The following SKAP2 variants were observed in gnomAD, a reference collection of about 807,000 sequenced individuals.
SKAP2 encodes the protein src kinase-associated phosphoprotein 2.
In SKAP2, 28 loss-of-function variants were observed where a neutral mutation model predicts 54.9. The observed-to-expected ratio is 0.51, with a 90% CI of 0.38 to 0.70. The LOEUF (loss-of-function observed/expected upper bound fraction) is 0.70, where lower values mean the gene tolerates loss of function less well. Among genes scored for constraint, SKAP2 ranks in the 30% least tolerant of loss-of-function variants. SKAP2 has a pLI of 0.00. For missense variants in SKAP2, 356 were observed against 424.1 expected (o/e 0.84, Z 1.41); for synonymous variants, 137 against 134.3 (o/e 1.02, Z -0.14).
At chr7:26,833,533 C>T (rs1784641607) in intron 4 of SKAP2, among the ~76,000 whole-genome samples, 1 of 151,888 alleles carries the variant, frequency 6.6e-6, no homozygotes, top group African/African-American at 2.4e-5. Context: ...GAATATTTAC[C>T]AAGCAAATGG....
chr7:26,687,527 G>A (rs1032227209), intron 10 of SKAP2, among the ~76,000 whole-genome samples: 4 of 151,822 alleles, frequency 2.6e-5, no homozygotes, highest in South Asian at 2.1e-4. Flanking sequence ...AGAAAAAATC[G>A]TAAGTAGGGG....
At chr7:26,762,412 A>G (rs963813390) in intron 4 of SKAP2, among the ~76,000 whole-genome samples, 3 of 152,212 alleles carry the variant, frequency 2.0e-5, no homozygotes, top group African/African-American at 7.2e-5. Flanking sequence ...TAGACATACA[A>G]TTAATGTTCT....
chr7:26,761,292 T>G lies in SKAP2; in HGVS notation c.308-21328A>C, dbSNP rs566852090. Among the ~76,000 whole-genome samples the G allele has an allele frequency of 1.4e-4, 21 of 152,106 alleles. No homozygotes were observed. In the South Asian group the frequency reaches 3.1e-3, roughly 22 times the overall value. On this transcript the variant is annotated intron_variant, in intron 4 of 12. Transcript: ENST00000345317. ...ATTAAAAAATTTAATAATTTTAACC[T>G]TATTTAGGAATAATAAATCTGTAAT...
chr7:26,700,043 C>T (rs955853769), intron 9 of SKAP2, among the ~76,000 whole-genome samples: 1 of 152,060 alleles, frequency 6.6e-6, no homozygotes, highest in African/African-American at 2.4e-5. Flanking sequence ...CATATTTCAT[C>T]TTGTTGGATT....
At chr7:26,856,153 C>A (rs1245351107) in intron 1 of SKAP2, among the ~76,000 whole-genome samples, 1 of 151,480 alleles carries the variant, frequency 6.6e-6, no homozygotes, top group Non-Finnish European at 1.5e-5. Flanking sequence ...TTCACTAAGT[C>A]AATATGACAA....
At chr7:26,818,718 C>G (rs1024682353) in intron 4 of SKAP2, among the ~76,000 whole-genome samples, 1 of 151,926 alleles carries the variant, frequency 6.6e-6, no homozygotes, top group South Asian at 2.1e-4. Flanking sequence ...GGAACTTAAA[C>G]AAATTTACAA....
chr7:26,755,194 A>T (rs1782763835), intron 4 of SKAP2, among the ~76,000 whole-genome samples: 1 of 152,104 alleles, frequency 6.6e-6, no homozygotes, highest in Admixed American at 6.5e-5. Flanking sequence ...GATAGCTTCA[A>T]GTCTCACACA....
chr7:26,788,381 G>T (rs185062900), intron 4 of SKAP2, among the ~76,000 whole-genome samples: 2 of 148,984 alleles, frequency 1.3e-5, no homozygotes, highest in Admixed American at 1.3e-4. Flanking sequence ...AAAAGAAAAA[G>T]AAAAAAATGT....
chr7:26,657,629 T>C, the SKAP2 span, among the ~76,000 whole-genome samples: 1 of 152,070 alleles, frequency 6.6e-6, no homozygotes, highest in Non-Finnish European at 1.5e-5. Context: ...AGCAGAGGAT[T>C]TATATCGAGT....
At chr7:26,688,766 G>A (rs1192073856) in intron 10 of SKAP2, among the ~76,000 whole-genome samples, 2 of 152,064 alleles carry the variant, frequency 1.3e-5, no homozygotes, top group East Asian at 3.9e-4. Flanking sequence ...CTTTAAAAGG[G>A]CTTTTGAAAA....
At position 26,826,118 on chromosome 7, in the gene SKAP2, TACACAC is replaced by T. The variant is rs10601131; in HGVS notation, c.307+17906_307+17911del. On this transcript the variant is annotated intron_variant, in intron 4 of 12. Transcript: ENST00000345317. Reference sequence around the variant, plus strand: ...ATCCAGACCTAGCCAATTCGTGCAATACACACACACACACACACACACACGCCACAG... The same window carrying T: ...ATCCAGACCTAGCCAATTCGTGCAATACACACACACACACACACGCCACAG... 2.7e-4 allele frequency among the ~76,000 whole-genome samples: 40 copies of T among 150,124 alleles called. No homozygotes were observed. In the South Asian group the frequency reaches 8.0e-3, roughly 30 times the overall value.
intron 3 of SKAP2, among the ~76,000 whole-genome samples, chr7:26,847,434 T>C (rs972356149): frequency 2.0e-5 from 3 of 152,052 alleles, no homozygotes; most frequent in Non-Finnish European, 2.9e-5. Flanking sequence ...TGTTGAGTAG[T>C]GCAAAGCATT....
At chr7:26,863,077 A>G (rs1478310422) in intron 1 of SKAP2, among the ~76,000 whole-genome samples, 1 of 152,156 alleles carries the variant, frequency 6.6e-6, no homozygotes, top group African/African-American at 2.4e-5. Context: ...GTTAATGACA[A>G]CAAGCATTTC....
chr7:26,655,813 T>G, the SKAP2 span, among the ~76,000 whole-genome samples: 1 of 152,332 alleles, frequency 6.6e-6, no homozygotes, highest in Non-Finnish European at 1.5e-5. Context: ...ATGATGAATC[T>G]TTTAGCACAA....
At chr7:26,748,004 T>C (rs1303323824) in intron 4 of SKAP2, among the ~76,000 whole-genome samples, 1 of 152,180 alleles carries the variant, frequency 6.6e-6, no homozygotes, top group Non-Finnish European at 1.5e-5. Flanking sequence ...ATGAATAGTA[T>C]ATGTGAATTA....
chr7:26,758,581 T>C (rs1323159877), intron 4 of SKAP2, among the ~76,000 whole-genome samples: 2 of 152,094 alleles, frequency 1.3e-5, no homozygotes, highest in African/African-American at 4.8e-5. Context: ...ACTTACCCAC[T>C]CCTCACCACT....
chr7:26,802,802 A>T (rs1437564894), intron 4 of SKAP2, among the ~76,000 whole-genome samples: 1 of 151,970 alleles, frequency 6.6e-6, no homozygotes, highest in African/African-American at 2.4e-5. Flanking sequence ...AATCGCTTGA[A>T]CCCAGAAGAC....
intron 4 of SKAP2, among the ~76,000 whole-genome samples, chr7:26,813,273 T>C (rs950059960): frequency 2.6e-5 from 4 of 152,220 alleles, no homozygotes; most frequent in Non-Finnish European, 4.4e-5. Context: ...ATTGTATTCA[T>C]GCTGTGCAAA....
At chr7:26,864,312 G>T in intron 1 of SKAP2, 51 bp downstream of exon 1, 1 of 1,609,964 alleles carries the variant, frequency 6.2e-7, no homozygotes, top group Non-Finnish European at 8.5e-7. Context: ...CCGGCTCACC[G>T]TTCCCTCGCC....
Sources: allele counts gnomAD v4.1 joint callset (sites outside exome capture counted in the v4.1 genomes callset), GRCh38; gene constraint gnomAD v4.1.1; transcripts MANE v1.5; gene names NCBI Gene and HGNC (gene_info 2026-07-23, HGNC 2026-07-21).